Variants in IQSEC1 observed in about 807,000 individuals in gnomAD.
The protein encoded by IQSEC1 is IQ motif and SEC7 domain-containing protein 1.
In IQSEC1, 31 loss-of-function variants were observed where a neutral mutation model predicts 91.0. The ratio of observed to expected loss-of-function variants is 0.34; its 90% CI spans 0.26 to 0.46. IQSEC1 has a LOEUF of 0.46. Among genes scored for constraint, IQSEC1 ranks in the 20% least tolerant of loss-of-function variants. The pLI is 1.00. For synonymous variants in IQSEC1, 699 were observed against 662.6 expected, an observed-to-expected ratio of 1.05 and a Z score of -0.84; for missense variants, 1,388 against 1,575.6, an observed-to-expected ratio of 0.88 and a Z score of 2.02.
In IQSEC1 at chr3:12,967,486, C is replaced by T. The variant is rs1280520214; in HGVS notation, c.24-25621G>A. 7 of 1,496,198 alleles carry T rather than the reference C, an allele frequency of 4.7e-6. No individual in the cohort carries two copies. The highest frequency in any genetic ancestry group is 4.3e-5 in the Admixed American group (2 of 46,888). The allele number at this position is 1,496,198 out of a possible 1,614,324, so 92.7% of individuals were successfully genotyped here. A position where few individuals can be genotyped will look rare whatever the true frequency, so the allele number is the denominator to read the frequency against. ...AGTGGGAGCGGGCCGGGCCGGGAGC[C>T]GGGACCCAGGCCCAGCAGAGGCCGC... On this transcript the variant is annotated intron_variant, in intron 1 of 13. Transcript: ENST00000613206. This position sits in a 1 kb window ranked among gnomAD's most constrained non-coding sequence, Gnocchi z 5.9.
intron 3 of IQSEC1, among the ~76,000 whole-genome samples, chr3:12,926,371 T>G (rs976828963): frequency 3.3e-5 from 5 of 151,592 alleles, no homozygotes; most frequent in African/African-American, 1.2e-4. Context: ...GATGGCCACA[T>G]GTGACCCTGA....
At chr3:12,985,471 G>A (rs994698738) in intron 1 of IQSEC1, among the ~76,000 whole-genome samples, 4 of 144,542 alleles carry the variant, frequency 2.8e-5, no homozygotes, top group Admixed American at 2.2e-4. Flanking sequence ...CAGAGACACC[G>A]TTCTTTACTG....
At chr3:13,197,933 C>T (rs891848242) in intron 1 of IQSEC1, among the ~76,000 whole-genome samples, 7 of 152,204 alleles carry the variant, frequency 4.6e-5, no homozygotes, top group East Asian at 1.9e-4. Flanking sequence ...AGGAGCGGAG[C>T]GTGGTGCCCG....
rs1329970642 is a variant in IQSEC1 at position 12,992,159 on chromosome 3, C to A, written c.24-50294G>T. 6.6e-6 allele frequency among the ~76,000 whole-genome samples: 1 copy of A among 152,130 alleles called. No homozygotes were observed. The highest frequency in any genetic ancestry group is 1.5e-5 in the Non-Finnish European group (1 of 68,010). On this transcript the variant is annotated intron_variant, in intron 1 of 13. Transcript: ENST00000613206. The surrounding 1 kb of genome is among the most constrained non-coding windows in gnomAD (Gnocchi z 4.1). ...GGTTGCTGGAGAGCTGGGGACAGGG[C>A]CCCTCGGCTCTGAATACGCTGTGTG...
intron 1 of IQSEC1, among the ~76,000 whole-genome samples, chr3:13,192,671 G>A (rs1694057454): frequency 6.6e-6 from 1 of 152,254 alleles, no homozygotes; most frequent in Non-Finnish European, 1.5e-5. Flanking sequence ...CAGCCTGCGG[G>A]GGCAGTGAGA....
At chr3:13,028,375 G>T (rs1291677671) in intron 1 of IQSEC1, among the ~76,000 whole-genome samples, 7 of 152,216 alleles carry the variant, frequency 4.6e-5, no homozygotes, top group Admixed American at 4.6e-4. Context: ...CCCGAGGCTG[G>T]GCCAGGCTAG....
chr3:13,089,019 T>C (rs1450860932), intron 2 of IQSEC1, among the ~76,000 whole-genome samples: 1 of 152,246 alleles, frequency 6.6e-6, no homozygotes, highest in East Asian at 1.9e-4. Context: ...CCCAGGGGCA[T>C]GAAAAGATTT....
In IQSEC1 at chr3:13,214,093, G is replaced by A. The variant is rs919518373; in HGVS notation, c.273-49960C>T. 6.6e-6 allele frequency among the ~76,000 whole-genome samples: 1 copy of A among 152,042 alleles called. No individual in the cohort carries two copies. Among genetic ancestry groups the A allele is most frequent in the Non-Finnish European group, 1.5e-5 (1 of 68,024 alleles). On this transcript the variant is annotated intron_variant, in intron 1 of 15. Coordinates refer to the IQSEC1 transcript ENST00000648114. The surrounding 1 kb of genome is among the most constrained non-coding windows in gnomAD (Gnocchi z 4.5). ...CCTGTCCACTGTGCTCTGTCCACAC[G>A]GCCCAGCCCCTCCTGGCCTTTGCTA...
Position 12,901,305 on chromosome 3 carries a change from A to G in IQSEC1, c.3023T>C (p.Val1008Ala), listed in dbSNP as rs1694267456. Residue 1008 changes from valine to alanine, a missense_variant, in exon 14 of 14, where the codon GTG becomes GCG. Transcript: ENST00000613206. ...TGGGGGCCCCAGGTGGTGGCCAGCC[A>G]CAGAGTGCTGCAAGTGAGGCAGGAC... ...PVVLPHLQHSVAGHHLGPPEG... is the reference protein window; with the variant it reads ...PVVLPHLQHSAAGHHLGPPEG... 4 of 1,544,256 alleles carry G rather than the reference A, an allele frequency of 2.6e-6. No individual in the cohort carries two copies. Among genetic ancestry groups the G allele is most frequent in the Non-Finnish European group, 3.5e-6 (4 of 1,145,012 alleles).
chr3:13,107,501 C>T (rs11915061), intron 2 of IQSEC1, among the ~76,000 whole-genome samples: 4 of 152,174 alleles, frequency 2.6e-5, no homozygotes, highest in African/African-American at 4.8e-5. Flanking sequence ...AGGCTCAGAG[C>T]GGTTAAGTCA....
intron 6 of IQSEC1, among the ~76,000 whole-genome samples, chr3:12,918,163 T>A (rs546224282): frequency 6.6e-6 from 1 of 152,178 alleles, no homozygotes; most frequent in African/African-American, 2.4e-5. Flanking sequence ...TTCTGAAGCA[T>A]GAGGAAGATG....
intron 2 of IQSEC1, among the ~76,000 whole-genome samples, chr3:13,154,871 TAGGTCAAAAGAGAAAGA>T (rs1707061435): frequency 1.5e-5 from 1 of 68,760 alleles, no homozygotes; most frequent in Non-Finnish European, 2.7e-5. Flanking sequence ...TAAAGACCAA[TAGGTCAAAAGAGAAAGA>T]CCAATAGGTC....
chr3:13,150,670 G>A (rs965657992), intron 2 of IQSEC1, among the ~76,000 whole-genome samples: 2 of 152,122 alleles, frequency 1.3e-5, no homozygotes, highest in Non-Finnish European at 2.9e-5. Flanking sequence ...TCATGCATTC[G>A]ATCTCCTCAC....
intron 2 of IQSEC1, among the ~76,000 whole-genome samples, chr3:13,132,894 C>T (rs1706644139): frequency 6.6e-6 from 1 of 152,208 alleles, no homozygotes; most frequent in South Asian, 2.1e-4. Flanking sequence ...ATCTCCCCCA[C>T]CACAACCCCC....
rs192919567 is a variant in IQSEC1 at position 13,249,625 on chromosome 3, G to A, written c.272+33086C>T. On this transcript the variant is annotated intron_variant, in intron 1 of 15. Coordinates refer to the IQSEC1 transcript ENST00000648114. ...TTATGGAGTTCGAATACCAGCTTGGGTTCGAATACCAGCTCTTGCTGTGTG... is the reference window on the plus strand; with the variant it reads ...TTATGGAGTTCGAATACCAGCTTGGATTCGAATACCAGCTCTTGCTGTGTG... Among the ~76,000 whole-genome samples the A allele has an allele frequency of 2.6e-3, 389 of 152,162 alleles. 2 individuals carry two copies. Among genetic ancestry groups the A allele is most frequent in the African/African-American group, 8.3e-3 (345 of 41,530 alleles).
intron 1 of IQSEC1, among the ~76,000 whole-genome samples, chr3:12,964,922 A>G (rs1388911214): frequency 6.6e-6 from 1 of 152,186 alleles, no homozygotes; most frequent in Admixed American, 6.5e-5. Flanking sequence ...CAGTTGTCAC[A>G]CTGTTTGACT....
chr3:13,170,341 A>G (rs1042659238), intron 1 of IQSEC1, among the ~76,000 whole-genome samples: 3 of 152,278 alleles, frequency 2.0e-5, no homozygotes, highest in African/African-American at 7.2e-5. Flanking sequence ...ATGCCCAGGC[A>G]GAAGTTTGCT....
intron 1 of IQSEC1, among the ~76,000 whole-genome samples, chr3:13,231,883 G>A (rs1353592615): frequency 6.6e-6 from 1 of 152,194 alleles, no homozygotes; most frequent in Non-Finnish European, 1.5e-5. Context: ...TGGCGATGCC[G>A]TGCATGACTT....
intron 8 of IQSEC1, 84 bp from the exon 9 acceptor site, chr3:12,913,637 T>A: frequency 1.4e-6 from 2 of 1,422,384 alleles, no homozygotes; most frequent in Non-Finnish European, 1.9e-6. Context: ...GTCTAGCCCT[T>A]CAAGCTAGAA....
Sources: gnomAD v4.1 joint callset for allele counts (sites outside exome capture counted in the v4.1 genomes callset) on GRCh38, gnomAD v4.1.1 for gene constraint, Gnocchi (gnomAD v3.1) non-coding constraint, MANE v1.5 for transcripts, NCBI Gene and HGNC (gene_info 2026-07-23, HGNC 2026-07-21) for gene names.